The following MERTK variants were observed in gnomAD, a reference collection of about 807,000 sequenced individuals.
MERTK encodes the protein tyrosine-protein kinase Mer.
In MERTK, 69 loss-of-function variants were observed where a neutral mutation model predicts 99.3. That is an observed-to-expected ratio of 0.70 (90% CI 0.57 to 0.85). The LOEUF is 0.85. Among genes scored for constraint, MERTK ranks in the 40% least tolerant of loss-of-function variants. The probability of loss-of-function intolerance (pLI) is 0.00; values close to 1 mark genes in which losing one functional copy is unlikely to be tolerated. For synonymous variants in MERTK, 426 were observed against 467.6 expected (o/e 0.91, Z 1.15); for missense variants, 1,125 against 1,249.4 (o/e 0.90, Z 1.50).
At position 112,028,509 on chromosome 2, in the gene MERTK, A is replaced by T; in HGVS notation, c.2645A>T (p.Glu882Val). The change falls in exon 19 of 19, where the codon GAG becomes GTG. Residue 882 changes from glutamate (E) to valine (V), a missense_variant. Physicochemically the swap from Glu to Val is moderately radical, Grantham distance 121. Coordinates refer to ENST00000295408, the MANE Select transcript of MERTK (RefSeq NM_006343.3). ...YVNTQLLESS[E>V]GLAQGSTLAP... ...AATACACAGTTGCTGGAGAGCTCTG[A>T]GGGCCTGGCCCAGGGCTCCACCCTT... 2 of 1,614,202 alleles carry T rather than the reference A, an allele frequency of 1.2e-6. No individual in the cohort carries two copies. Among genetic ancestry groups the T allele is most frequent in the Non-Finnish European group, 1.7e-6 (2 of 1,180,038 alleles).
chr2:111,915,269 T>G (rs1013796711), intron 1 of MERTK, among the ~76,000 whole-genome samples: 4 of 152,190 alleles, frequency 2.6e-5, no homozygotes, highest in African/African-American at 7.2e-5. Context: ...TGTCTTCTCA[T>G]TTTTTTCTTT....
chr2:112,027,069 C>G (rs1299166659), intron 18 of MERTK, among the ~76,000 whole-genome samples: 2 of 152,002 alleles, frequency 1.3e-5, no homozygotes, highest in Admixed American at 1.3e-4. Context: ...CAGAAGATCA[C>G]TTGAGCCCAG....
intron 2 of MERTK, among the ~76,000 whole-genome samples, chr2:111,935,246 G>A (rs190372992): frequency 6.6e-6 from 1 of 152,312 alleles, no homozygotes; most frequent in East Asian, 1.9e-4. Flanking sequence ...TTAACTGAGG[G>A]ATGGCTGAAC....
In MERTK at chr2:112,022,269, C is replaced by A. The variant is rs1247886335; in HGVS notation, c.2361C>A (p.Gly787=). 6.2e-7 allele frequency: 1 copy of A among 1,614,164 alleles called. No individual in the cohort carries two copies. The highest frequency in any genetic ancestry group is 1.1e-5 in the South Asian group (1 of 91,078). ...TGCTTTGTTCCCAGTGGGCATTTGG[C>A]GTGACCATGTGGGAAATAGCTACGC... is the stretch of plus-strand genomic sequence containing the variant. ...YTSKSDVWAF[G]VTMWEIATRG... The change falls in exon 18 of 19, where the codon GGC becomes GGA. Residue 787 remains glycine (G), a synonymous_variant. Coordinates refer to ENST00000295408, the MANE Select transcript of MERTK (RefSeq NM_006343.3).
intron 3 of MERTK, among the ~76,000 whole-genome samples, chr2:111,945,484 A>G (rs1043514112): frequency 1.3e-5 from 2 of 152,250 alleles, no homozygotes; most frequent in Non-Finnish European, 2.9e-5. Context: ...CTATGCAGAC[A>G]GTGAAACCCT....
rs1273888297 is a variant in MERTK at position 112,029,049 on chromosome 2, A to T, written c.*185A>T. The T allele has an allele frequency of 4.4e-6, 6 of 1,358,824 alleles. No individual in the cohort carries two copies. The African/African-American group carries it at 8.8e-5, about 20-fold the overall frequency. The allele number at this position is 1,358,824 out of a possible 1,614,324, so 84.2% of individuals were successfully genotyped here. ...ACATAATATATATTTATTTAAAGAG[A>T]AAAAATATGTGTATATCATGGAAAA... On this transcript the variant is annotated 3_prime_UTR_variant, in exon 19 of 19. Transcript: ENST00000295408.
intron 2 of MERTK, chr2:111,940,837 A>T (rs1684852365): frequency 1.1e-6 from 1 of 926,382 alleles, no homozygotes; most frequent in Non-Finnish European, 1.8e-6. Context: ...ACGACAGTTA[A>T]CATCTCTGAG....
intron 2 of MERTK, among the ~76,000 whole-genome samples, chr2:111,941,252 T>C (rs963673433): frequency 9.9e-5 from 15 of 152,248 alleles, no homozygotes; most frequent in African/African-American, 3.4e-4. Flanking sequence ...TGGGTTGCTC[T>C]AGAGAAGCAG....
At chr2:111,968,284 GT>G (rs1685399339) in intron 6 of MERTK, 32 bp downstream of exon 6, 2 of 1,538,512 alleles carry the variant, frequency 1.3e-6, no homozygotes, top group Admixed American at 3.3e-5. Flanking sequence ...GGAAGTAGCT[GT>G]TTGGTGCTCT....
rs13027171 is a variant in MERTK at position 111,929,411 on chromosome 2, G to A, written c.353G>A (p.Ser118Asn). The change falls in exon 2 of 19, where the codon AGT becomes AAT. Residue 118 changes from serine to asparagine, a missense_variant. Physicochemically the swap from Ser to Asn is conservative, Grantham distance 46. Coordinates refer to ENST00000295408, the MANE Select transcript of MERTK (RefSeq NM_006343.3). The stretch of plus-strand genomic sequence containing the variant: ...GGTGTCAAATTTAATTGCTCAATCA[G>A]TGTACCTAATATATACCAGGACACC... ...HKGVKFNCSI[S>N]VPNIYQDTTI... is the part of the protein sequence containing the mutation. The A allele has an allele frequency of 0.27, 435,028 of 1,613,700 alleles. 62,173 individuals carry two copies. Among genetic ancestry groups the A allele is most frequent in the Middle Eastern group, 0.3 (1,823 of 6,062 alleles).
Position 112,028,826 on chromosome 2 carries a change from G to T in MERTK, c.2962G>T (p.Ala988Ser). Residue 988 changes from alanine to serine, a missense_variant, in exon 19 of 19, where the codon GCT becomes TCT. Transcript: ENST00000295408. ...GSSLPDELLF[A>S]DDSSEGSEVL... The stretch of plus-strand genomic sequence containing the variant: ...CTCATTGCCCGATGAACTTTTGTTT[G>T]CTGACGACTCCTCAGAAGGCTCAGA... The T allele has an allele frequency of 6.2e-7, 1 of 1,614,028 alleles. No individual in the cohort carries two copies. The highest frequency in any genetic ancestry group is 8.5e-7 in the Non-Finnish European group (1 of 1,180,028).
At chr2:112,019,309 T>G (rs758252645) in intron 15 of MERTK, 104 bp from the exon 16 acceptor site, 1 of 835,820 alleles carries the variant, frequency 1.2e-6, no homozygotes, top group Non-Finnish European at 2.1e-6. Flanking sequence ...ATTTCATCAC[T>G]ACACTGTAAT....
intron 13 of MERTK, among the ~76,000 whole-genome samples, chr2:112,004,885 G>A (rs143168520): frequency 0.022 from 3,302 of 152,064 alleles, 114 homozygotes; most frequent in African/African-American, 0.074. Context: ...CTGGGTGACA[G>A]AGTGAGACTC....
intron 2 of MERTK, 91 bp downstream of exon 2, chr2:111,929,631 GGCTGGAGTGCAGTGGCAC>G (rs1428335123): frequency 8.3e-6 from 8 of 960,110 alleles, no homozygotes; most frequent in Non-Finnish European, 1.4e-6. Context: ...CTGTAGCCCA[GGCTGGAGTGCAGTGGCAC>G]GATCTCAGCT....
rs745555268 is a variant in MERTK, at chr2:111,978,159, T to C, written c.1144+2687T>C. On this transcript the variant is annotated intron_variant, in intron 7 of 18. Transcript: ENST00000295408. ...TTTGTTTTTTGGTTGTTTTTTGTTT[T>C]TTTTTTTGAGATGGAGTTTCACTCT... Among the ~76,000 whole-genome samples the C allele has an allele frequency of 9.9e-5, 15 of 151,510 alleles. 1 individual carries two copies. Among genetic ancestry groups the C allele is most frequent in the African/African-American group, 1.5e-4 (6 of 41,116 alleles).
intron 8 of MERTK, among the ~76,000 whole-genome samples, chr2:111,991,693 C>T (rs762761745): frequency 3.9e-5 from 6 of 151,952 alleles, no homozygotes; most frequent in Non-Finnish European, 8.8e-5. Flanking sequence ...CCCTTTCATC[C>T]CTTGTCTGGG....
intron 2 of MERTK, among the ~76,000 whole-genome samples, chr2:111,939,913 A>C (rs568302594): frequency 1.3e-5 from 2 of 152,098 alleles, no homozygotes; most frequent in South Asian, 2.1e-4. Flanking sequence ...ACACCACAAC[A>C]AAATTATCAG....
intron 4 of MERTK, among the ~76,000 whole-genome samples, chr2:111,950,463 A>G (rs1368768424): frequency 6.6e-6 from 1 of 152,214 alleles, no homozygotes; most frequent in African/African-American, 2.4e-5. Context: ...CTTTTAAAGA[A>G]ACTACCAAAT....
intron 7 of MERTK, among the ~76,000 whole-genome samples, chr2:111,977,436 CCTAA>C (rs1257944091): frequency 1.3e-5 from 2 of 152,118 alleles, no homozygotes; most frequent in Admixed American, 1.3e-4. Context: ...CTGTGATCAT[CCTAA>C]CTTTGTTCCT....
Sources: allele counts gnomAD v4.1 joint callset (sites outside exome capture counted in the v4.1 genomes callset), GRCh38; gene constraint gnomAD v4.1.1; transcripts MANE v1.5; gene names NCBI Gene and HGNC (gene_info 2026-07-23, HGNC 2026-07-21).